The following RBFOX1 variants were observed in gnomAD, a reference collection of about 807,000 sequenced individuals.
The protein encoded by RBFOX1 is RNA binding fox-1 homolog 1.
RBFOX1 carries 8 observed loss-of-function variants against 57.7 expected under a neutral mutation model. The ratio of observed to expected loss-of-function variants is 0.14; its 90% confidence interval spans 0.08 to 0.25. RBFOX1 has a LOEUF of 0.25. RBFOX1 is among the 10% of genes least tolerant of loss of function. The pLI is 1.00. For synonymous variants in RBFOX1, 326 were observed against 222.4 expected (o/e 1.47, Z -4.15); for missense variants, 611 against 548.5 (o/e 1.11, Z -1.14).
At chr16:5,922,894 C>T (rs1461785620) in intron 4 of RBFOX1, among the ~76,000 whole-genome samples, 2 of 152,224 alleles carry the variant, frequency 1.3e-5, no homozygotes, top group East Asian at 3.8e-4. Flanking sequence ...GACACCAGCA[C>T]TTTGCCTTTT....
At chr16:7,212,181 CTGTT>C (rs572473480) in intron 4 of RBFOX1, among the ~76,000 whole-genome samples, 38 of 152,274 alleles carry the variant, frequency 2.5e-4, no homozygotes, top group African/African-American at 8.9e-4. Context: ...TTGGGGCAGA[CTGTT>C]TGAGTGACAT....
rs552931350 is a variant in RBFOX1 at position 5,847,666 on chromosome 16, G to A, written c.319-19637G>A. ...TTTTAGTGAAGCTATATGGCCCTCC[G>A]GAGGCTGACTGGCTTAGCTTCTGAT... On this transcript the variant is annotated intron_variant, in intron 3 of 19. Transcript: ENST00000641259. 1.3e-3 allele frequency among the ~76,000 whole-genome samples: 203 copies of A among 152,162 alleles called. 1 individual carries two copies. Among genetic ancestry groups the A allele is most frequent in the African/African-American group, 4.2e-3 (175 of 41,502 alleles).
chr16:6,560,266 A>G (rs548869036), intron 2 of RBFOX1, among the ~76,000 whole-genome samples: 1 of 152,094 alleles, frequency 6.6e-6, no homozygotes, highest in Admixed American at 6.6e-5. Context: ...TGCCTGAGCA[A>G]ATTGTGTTAG....
chr16:6,624,412 A>G (rs531793580), intron 2 of RBFOX1, among the ~76,000 whole-genome samples: 3 of 152,270 alleles, frequency 2.0e-5, no homozygotes, highest in Non-Finnish European at 4.4e-5. Flanking sequence ...CCTTCATTAT[A>G]TATGTCAGAA....
intron 4 of RBFOX1, among the ~76,000 whole-genome samples, chr16:7,256,237 C>T (rs1318508077): frequency 6.6e-6 from 1 of 152,174 alleles, no homozygotes; most frequent in Non-Finnish European, 1.5e-5. Flanking sequence ...CCTTCCAGCT[C>T]TGTAACCCCT....
chr16:7,183,246 A>G (rs2083079341), intron 4 of RBFOX1, among the ~76,000 whole-genome samples: 1 of 152,164 alleles, frequency 6.6e-6, no homozygotes, highest in African/African-American at 2.4e-5. Context: ...GGAGAAAAAG[A>G]AGCCATGGTG....
intron 4 of RBFOX1, among the ~76,000 whole-genome samples, chr16:7,184,075 G>C (rs549256652): frequency 3.0e-4 from 45 of 152,310 alleles, no homozygotes; most frequent in African/African-American, 1.1e-3. Flanking sequence ...AAGAAGGCAG[G>C]ATTGGTGAGA....
At chr16:5,847,423 T>C (rs1396017250) in intron 3 of RBFOX1, among the ~76,000 whole-genome samples, 1 of 152,034 alleles carries the variant, frequency 6.6e-6, no homozygotes, top group Non-Finnish European at 1.5e-5. Context: ...TTAAAATGTG[T>C]GCACAGATGT....
intron 5 of RBFOX1, among the ~76,000 whole-genome samples, chr16:7,566,304 C>A (rs113912687): frequency 2.6e-5 from 4 of 152,094 alleles, no homozygotes; most frequent in Non-Finnish European, 5.9e-5. Flanking sequence ...GCCTCATTCA[C>A]CCACCTCACT....
At chr16:7,270,035 T>C (rs1412617758) in intron 4 of RBFOX1, among the ~76,000 whole-genome samples, 1 of 152,228 alleles carries the variant, frequency 6.6e-6, no homozygotes, top group African/African-American at 2.4e-5. Context: ...ACACATATCA[T>C]GCTCTTAACA....
At chr16:6,954,704 A>C (rs1208186031) in intron 3 of RBFOX1, among the ~76,000 whole-genome samples, 1 of 152,096 alleles carries the variant, frequency 6.6e-6, no homozygotes, top group Non-Finnish European at 1.5e-5. Flanking sequence ...GCAGGTGCCC[A>C]AGTCTAGCCA....
intron 1 of RBFOX1, chr16:6,037,571 T>C (rs2095382239): frequency 6.6e-6 from 1 of 152,118 alleles, no homozygotes; most frequent in Non-Finnish European, 1.5e-5. Flanking sequence ...TCTTTCTTTT[T>C]TTTCTTTTTT....
At chr16:5,332,968 C>T (rs370660632) in intron 1 of RBFOX1, among the ~76,000 whole-genome samples, 27 of 152,168 alleles carry the variant, frequency 1.8e-4, no homozygotes, top group South Asian at 6.2e-4. Context: ...GGCGGATCAC[C>T]TGAGGTCAGG....
chr16:6,767,929 T>TAAGAAGAAGAAGAAGAAGAAGAAG, intron 3 of RBFOX1, among the ~76,000 whole-genome samples: 1 of 88,464 alleles, frequency 1.1e-5, no homozygotes, highest in African/African-American at 6.0e-5. Flanking sequence ...ATAATAATAA[T>TAAGAAGAAGAAGAAGAAGAAGAAG]AATAATAATA....
rs183798306 is a variant in RBFOX1, at chr16:7,179,426, A to G, written c.27+127328A>G. ...TCCATCTCTCTCAATGATGTGTCCA[A>G]TCTCCACAATTTGTCTGGCCTCCTC... On this transcript the variant is annotated intron_variant, in intron 4 of 15. Transcript: ENST00000550418. Among the ~76,000 whole-genome samples the G allele has an allele frequency of 3.0e-3, 461 of 152,214 alleles. 1 individual carries two copies. The highest frequency in any genetic ancestry group is 5.2e-3 in the Non-Finnish European group (354 of 68,006).
intron 1 of RBFOX1, among the ~76,000 whole-genome samples, chr16:6,179,017 A>G (rs1161244418): frequency 6.6e-6 from 1 of 152,214 alleles, no homozygotes; most frequent in Non-Finnish European, 1.5e-5. Flanking sequence ...CCACTCAACA[A>G]GCCATCTGGA....
intron 4 of RBFOX1, among the ~76,000 whole-genome samples, chr16:6,004,833 C>T (rs542734485): frequency 2.0e-5 from 3 of 152,240 alleles, no homozygotes; most frequent in African/African-American, 4.8e-5. Flanking sequence ...AATGTCCTTT[C>T]TGAGAAACGT....
intron 3 of RBFOX1, among the ~76,000 whole-genome samples, chr16:6,854,877 A>G (rs980511374): frequency 6.6e-6 from 1 of 152,006 alleles, no homozygotes; most frequent in African/African-American, 2.4e-5. Context: ...TACAGGCGTG[A>G]GCCACCGCGC....
At chr16:7,144,839 A>G (rs11641647) in intron 4 of RBFOX1, among the ~76,000 whole-genome samples, 94,389 of 152,050 alleles carry the variant, frequency 0.62, 33,074 homozygotes, top group South Asian at 0.8. Flanking sequence ...CGAGAAGGTG[A>G]TTGCTGAAGG....
Sources: allele counts gnomAD v4.1 joint callset (sites outside exome capture counted in the v4.1 genomes callset), GRCh38; gene constraint gnomAD v4.1.1; transcripts MANE v1.5; gene names NCBI Gene and HGNC (gene_info 2026-07-23, HGNC 2026-07-21).